The following PIP5K1B variants were observed in gnomAD, a reference collection of about 807,000 sequenced individuals.
The protein encoded by PIP5K1B is phosphatidylinositol-4-phosphate 5-kinase type 1 beta.
PIP5K1B carries 42 observed loss-of-function variants against 67.0 expected under a neutral mutation model. That is an observed-to-expected ratio of 0.63 (90% CI 0.49 to 0.81). PIP5K1B has a LOEUF of 0.81. Ranked by LOEUF, PIP5K1B falls within the 30% of genes least tolerant of loss-of-function variation. The pLI is 0.00. For missense variants in PIP5K1B, 459 were observed against 646.3 expected, an observed-to-expected ratio of 0.71 and a Z score of 3.14; for synonymous variants, 214 against 231.4, an observed-to-expected ratio of 0.92 and a Z score of 0.68.
intron 1 of PIP5K1B, among the ~76,000 whole-genome samples, chr9:68,708,340 T>A (rs1190072955): frequency 6.6e-6 from 1 of 152,112 alleles, no homozygotes; most frequent in African/African-American, 2.4e-5. Context: ...AAGGAAAACA[T>A]ATGCTGTAAA....
intron 8 of PIP5K1B, among the ~76,000 whole-genome samples, chr9:68,914,717 T>TA (rs33966149): frequency 0.058 from 8,782 of 150,740 alleles, 527 homozygotes; most frequent in African/African-American, 0.15. Flanking sequence ...TCCATCTCAA[T>TA]AAAAAAAATA....
chr9:68,898,825 C>T (rs995782256), intron 8 of PIP5K1B, among the ~76,000 whole-genome samples: 7 of 152,186 alleles, frequency 4.6e-5, no homozygotes, highest in African/African-American at 7.2e-5. Flanking sequence ...TTATTGAGAC[C>T]GTGGTTATTC....
At chr9:68,969,824 T>G (rs10123288) in intron 14 of PIP5K1B, among the ~76,000 whole-genome samples, 341 of 152,288 alleles carry the variant, frequency 2.2e-3, no homozygotes, top group African/African-American at 8.0e-3. Flanking sequence ...AATATACATT[T>G]GGAAACAAGG....
chr9:68,785,975 A>C (rs1439432659), intron 2 of PIP5K1B: 1 of 152,198 alleles, frequency 6.6e-6, no homozygotes, highest in African/African-American at 2.4e-5. Context: ...ATTCAAGTCC[A>C]CCTTTGGCAA....
At chr9:68,731,986 A>G (rs1461938881) in intron 1 of PIP5K1B, among the ~76,000 whole-genome samples, 2 of 152,102 alleles carry the variant, frequency 1.3e-5, no homozygotes, top group South Asian at 4.2e-4. Context: ...AATGGCGTTG[A>G]CTCTCAGCCA....
chr9:68,732,829 A>G (rs1412441538), intron 1 of PIP5K1B, among the ~76,000 whole-genome samples: 1 of 146,814 alleles, frequency 6.8e-6, no homozygotes, highest in Admixed American at 6.8e-5. Flanking sequence ...TTTCTTGGAA[A>G]GAGTGGGCAT....
Position 68,891,092 on chromosome 9 carries a change from TAAA to T in PIP5K1B, c.471+1963_471+1965del, listed in dbSNP as rs1824757193. 2.0e-5 allele frequency among the ~76,000 whole-genome samples: 3 copies of T among 151,644 alleles called. No homozygotes were observed. The South Asian group carries it at 6.2e-4, about 32-fold the overall frequency. On this transcript the variant is annotated intron_variant, in intron 7 of 15. Transcript: ENST00000265382. The stretch of plus-strand genomic sequence containing the variant: ...GTGAAACCCCATCTCTACAAAAAAA[TAAA>T]AAATTATCCAGGCATGGTGGCACGC...
chr9:68,852,548 T>C (rs535214070), intron 4 of PIP5K1B, among the ~76,000 whole-genome samples: 2 of 152,308 alleles, frequency 1.3e-5, no homozygotes, highest in African/African-American at 4.8e-5. Flanking sequence ...TCTGCCATGG[T>C]GTCCCATTGG....
At chr9:68,995,794 A>C (rs1274680924) in intron 15 of PIP5K1B, among the ~76,000 whole-genome samples, 1 of 149,020 alleles carries the variant, frequency 6.7e-6, no homozygotes, top group Non-Finnish European at 1.5e-5. Flanking sequence ...AACAAGAGCA[A>C]AACTCCGTCT....
chr9:68,923,746 A>G (rs1473151016), intron 12 of PIP5K1B, among the ~76,000 whole-genome samples: 1 of 152,212 alleles, frequency 6.6e-6, no homozygotes, highest in African/African-American at 2.4e-5. Flanking sequence ...TGTATACCTT[A>G]AATGCACAGC....
chr9:68,783,867 A>G (rs1831449816), intron 2 of PIP5K1B: 1 of 167,076 alleles, frequency 6.0e-6, no homozygotes, highest in Non-Finnish European at 1.5e-5. Flanking sequence ...TGATCCTTCC[A>G]TCTCCCAGCT....
At chr9:68,851,294 A>C (rs1277039107) in intron 4 of PIP5K1B, among the ~76,000 whole-genome samples, 2 of 152,164 alleles carry the variant, frequency 1.3e-5, no homozygotes, top group Non-Finnish European at 2.9e-5. Context: ...TAAAAAGGGA[A>C]AGTTAAATAT....
intron 14 of PIP5K1B, among the ~76,000 whole-genome samples, chr9:68,979,427 G>T (rs942230751): frequency 6.7e-6 from 1 of 148,738 alleles, no homozygotes; most frequent in Non-Finnish European, 1.5e-5. Flanking sequence ...ACATGTTGGG[G>T]TATGATATTG....
intron 15 of PIP5K1B, among the ~76,000 whole-genome samples, chr9:68,995,624 G>A (rs754223167): frequency 3.6e-4 from 54 of 152,024 alleles, no homozygotes; most frequent in Admixed American, 1.6e-3. Flanking sequence ...TGACCAACAT[G>A]GAGAAACCCT....
intron 1 of PIP5K1B, among the ~76,000 whole-genome samples, chr9:68,734,259 T>G (rs1009088451): frequency 1.3e-5 from 2 of 152,002 alleles, no homozygotes; most frequent in African/African-American, 4.8e-5. Flanking sequence ...CATTAAAGAG[T>G]TTACTACAGT....
intron 12 of PIP5K1B, among the ~76,000 whole-genome samples, chr9:68,926,541 C>T (rs1012105626): frequency 6.6e-5 from 10 of 151,976 alleles, no homozygotes; most frequent in African/African-American, 2.4e-4. Context: ...CACAGTTATG[C>T]AATCATCACC....
rs190008183 is a variant in PIP5K1B at position 68,767,175 on chromosome 9, G to C, written c.-86+24518G>C. 6.6e-5 allele frequency among the ~76,000 whole-genome samples: 10 copies of C among 152,312 alleles called. No homozygotes were observed. In the East Asian group the frequency reaches 1.9e-3, roughly 29 times the overall value. Reference sequence around the variant, plus strand: ...AAGACAGACTTTCAAGATTTTTTAAGATACCAAAATGATCTTAGTACCAAA... The same window carrying C: ...AAGACAGACTTTCAAGATTTTTTAACATACCAAAATGATCTTAGTACCAAA... On this transcript the variant is annotated intron_variant, in intron 2 of 15. Coordinates refer to ENST00000265382, the MANE Select transcript of PIP5K1B (RefSeq NM_003558.4).
chr9:68,896,846 C>T (rs1022329475), intron 8 of PIP5K1B, among the ~76,000 whole-genome samples: 8 of 152,140 alleles, frequency 5.3e-5, no homozygotes, highest in African/African-American at 1.4e-4. Context: ...CTTAGTAAAT[C>T]GTATGAATGC....
chr9:68,767,166 A>AT (rs1830465984), intron 2 of PIP5K1B, among the ~76,000 whole-genome samples: 1 of 152,338 alleles, frequency 6.6e-6, no homozygotes, highest in East Asian at 1.9e-4. Flanking sequence ...GACTTTCAAG[A>AT]TTTTTTAAGA....
Sources: allele counts gnomAD v4.1 joint callset (sites outside exome capture counted in the v4.1 genomes callset), GRCh38; gene constraint gnomAD v4.1.1; transcripts MANE v1.5; gene names NCBI Gene and HGNC (gene_info 2026-07-23, HGNC 2026-07-21).